The following PCBP3 variants were observed in gnomAD, a reference collection of about 807,000 sequenced individuals.
PCBP3 encodes the protein poly(rC)-binding protein 3.
A neutral mutation model predicts 52.7 loss-of-function variants in PCBP3; 25 were observed. The observed-to-expected ratio is 0.47, with a 90% CI of 0.35 to 0.66. The LOEUF is 0.66. Among genes scored for constraint, PCBP3 ranks in the 30% least tolerant of loss-of-function variants. PCBP3 has a pLI of 0.01. For synonymous variants in PCBP3, 162 were observed against 183.0 expected (o/e 0.89, Z 0.93); for missense variants, 391 against 490.3 (o/e 0.80, Z 1.91).
chr21:45,658,786 A>G (rs1603154858), intron 1 of PCBP3, among the ~76,000 whole-genome samples: 1 of 152,252 alleles, frequency 6.6e-6, no homozygotes, highest in East Asian at 1.9e-4. Context: ...TTAATAGTGA[A>G]GCCATCTGTT....
rs542209674 is a variant in PCBP3 at position 45,928,366 on chromosome 21, G to A, written c.718-1551G>A. 7.2e-5 allele frequency among the ~76,000 whole-genome samples: 11 copies of A among 152,270 alleles called. No individual in the cohort carries two copies. The highest frequency in any genetic ancestry group is 2.2e-4 in the African/African-American group (9 of 41,558). Reference sequence around the variant, plus strand: ...GCCCAGACCTGGCTGCAAGGCCAGGGGTTGGGGAGGGGCAGGGCTGGGGAG... The same window carrying A: ...GCCCAGACCTGGCTGCAAGGCCAGGAGTTGGGGAGGGGCAGGGCTGGGGAG... On this transcript the variant is annotated intron_variant, in intron 13 of 17. Transcript: ENST00000681687. The surrounding 1 kb of genome is among the most constrained non-coding windows in gnomAD (Gnocchi z 4.1).
chr21:45,795,306 CTTCT>C (rs2091864354), intron 4 of PCBP3, among the ~76,000 whole-genome samples: 1 of 138,140 alleles, frequency 7.2e-6, no homozygotes, highest in African/African-American at 2.8e-5. Context: ...CACTTGTCTT[CTTCT>C]TTTTCTTTTT....
intron 4 of PCBP3, among the ~76,000 whole-genome samples, chr21:45,810,444 A>T (rs1281430836): frequency 2.1e-5 from 3 of 145,808 alleles, no homozygotes; most frequent in Non-Finnish European, 4.6e-5. Context: ...TTTTTTTTTT[A>T]ATAGAGATGA....
At position 45,809,434 on chromosome 21, in the gene PCBP3, G is replaced by A. The variant is rs28506792; in HGVS notation, c.-125-40527G>A. ...AAGGTGATGTAGGGCTGAGGAGTAC[G>A]GGAGATAAAGAGGGGGTGTGCGAGC... On this transcript the variant is annotated intron_variant, in intron 4 of 17. Transcript: ENST00000681687. Among the ~76,000 whole-genome samples the A allele has an allele frequency of 3.3e-3, 504 of 152,278 alleles. 1 individual carries two copies. The highest frequency in any genetic ancestry group is 0.01 in the African/African-American group (432 of 41,548).
At chr21:45,822,335 G>A (rs988011293) in intron 4 of PCBP3, among the ~76,000 whole-genome samples, 6 of 152,196 alleles carry the variant, frequency 3.9e-5, no homozygotes, top group African/African-American at 1.4e-4. Context: ...CTTCTCCGGT[G>A]TTCTGCGTTC....
intron 4 of PCBP3, among the ~76,000 whole-genome samples, chr21:45,818,243 G>A (rs1049751984): frequency 1.3e-4 from 20 of 152,122 alleles, no homozygotes; most frequent in Admixed American, 2.0e-4. Flanking sequence ...GGATGGTCTC[G>A]ATCTCCTGAC....
chr21:45,719,289 A>G (rs1391507573), intron 2 of PCBP3, among the ~76,000 whole-genome samples: 1 of 152,156 alleles, frequency 6.6e-6, no homozygotes, highest in East Asian at 1.9e-4. Flanking sequence ...GAAGGACAGA[A>G]CAGCAAGTGT....
chr21:45,839,271 G>A (rs1372840638), intron 4 of PCBP3, among the ~76,000 whole-genome samples: 1 of 151,888 alleles, frequency 6.6e-6, no homozygotes, highest in Non-Finnish European at 1.5e-5. Flanking sequence ...ATTTTTGTTT[G>A]TTCTCCCACC....
rs60311432 is a variant in PCBP3 at position 45,691,456 on chromosome 21, A to ATG, written c.-200+22524_-200+22525dup. Reference sequence around the variant, plus strand: ...ATATATCATATATATGTATGTATGTATGTGTGTGTGTGTGTGTGTGTATAT... The same window carrying ATG: ...ATATATCATATATATGTATGTATGTATGTGTGTGTGTGTGTGTGTGTGTATAT... On this transcript the variant is annotated intron_variant, in intron 2 of 17. Coordinates refer to ENST00000681687, the MANE Select transcript of PCBP3 (RefSeq NM_001384156.1). Among the ~76,000 whole-genome samples, 752 of 142,356 alleles carry ATG rather than the reference A, an allele frequency of 5.3e-3. 1 individual carries two copies. Among genetic ancestry groups the ATG allele is most frequent in the East Asian group, 0.016 (78 of 4,932 alleles). The allele number at this position is 142,356 out of a possible 152,430, so 93.4% of individuals were successfully genotyped here. A position where few individuals can be genotyped will look rare whatever the true frequency, so the allele number is the denominator to read the frequency against.
chr21:45,686,737 C>A, intron 2 of PCBP3, among the ~76,000 whole-genome samples: 1 of 152,040 alleles, frequency 6.6e-6, no homozygotes, highest in East Asian at 1.9e-4. Context: ...GGAACTTTGA[C>A]AGTGAAATAA....
intron 1 of PCBP3, among the ~76,000 whole-genome samples, chr21:45,659,708 C>G (rs1193596087): frequency 1.3e-5 from 2 of 152,062 alleles, no homozygotes; most frequent in Non-Finnish European, 2.9e-5. Context: ...TCCCTTGACT[C>G]TGGTTATTTA....
chr21:45,940,138 C>T lies in PCBP3; in HGVS notation c.1018C>T (p.Gln340Ter). 8 of 1,614,164 alleles carry T rather than the reference C, an allele frequency of 5.0e-6. No homozygotes were observed. Among genetic ancestry groups the T allele is most frequent in the Non-Finnish European group, 6.8e-6 (8 of 1,179,984 alleles). ...ANATEGSSER[Q>*]ITITGTPANI... ...CGCCACGGAAGGGTCCTCAGAGCGT[C>T]AGATCACCATCACGGGGACCCCGGC... Residue 340 changes from glutamine (Q) to a stop codon, truncating the protein, a stop_gained, in exon 17 of 18, where the codon CAG becomes TAG. Transcript: ENST00000681687. LOFTEE classifies it high-confidence loss of function.
At chr21:45,866,444 G>C (rs551737074) in intron 5 of PCBP3, among the ~76,000 whole-genome samples, 8 of 152,336 alleles carry the variant, frequency 5.3e-5, no homozygotes, top group South Asian at 2.1e-4. Context: ...GAGGAGAAGG[G>C]GCTGTGGAGA....
intron 4 of PCBP3, among the ~76,000 whole-genome samples, chr21:45,775,502 C>G (rs554550331): frequency 6.6e-6 from 1 of 152,308 alleles, no homozygotes; most frequent in East Asian, 1.9e-4. Flanking sequence ...ACTGCAGCCT[C>G]AAACCCCTGG....
chr21:45,914,412 A>C, intron 12 of PCBP3: 1 of 425,166 alleles, frequency 2.4e-6, no homozygotes, highest in Non-Finnish European at 4.1e-6. Context: ...TTCCACTGAC[A>C]TCCGTGTTCC....
chr21:45,795,214 A>G (rs977416132), intron 4 of PCBP3, among the ~76,000 whole-genome samples: 1 of 152,166 alleles, frequency 6.6e-6, no homozygotes, highest in Non-Finnish European at 1.5e-5. Flanking sequence ...GACAAATCAA[A>G]GGGACCAGAA....
At chr21:45,810,429 ATT>A (rs199547949) in intron 4 of PCBP3, among the ~76,000 whole-genome samples, 2 of 145,764 alleles carry the variant, frequency 1.4e-5, no homozygotes, top group Non-Finnish European at 1.5e-5. Flanking sequence ...TGCCTGGCTA[ATT>A]TTTTTTTTTT....
intron 4 of PCBP3, among the ~76,000 whole-genome samples, chr21:45,806,225 G>A (rs564426349): frequency 7.9e-5 from 12 of 152,308 alleles, no homozygotes; most frequent in African/African-American, 2.4e-4. Context: ...CTGTACTCCC[G>A]TGCTGGATGG....
chr21:45,870,677 G>A (rs74367113), intron 5 of PCBP3, among the ~76,000 whole-genome samples: 2,475 of 152,308 alleles, frequency 0.016, 82 homozygotes, highest in African/African-American at 0.056. Flanking sequence ...GAGGACCAGA[G>A]GGTCCAAACC....
Sources: allele counts gnomAD v4.1 joint callset (sites outside exome capture counted in the v4.1 genomes callset), GRCh38; gene constraint gnomAD v4.1.1; non-coding constraint Gnocchi (gnomAD v3.1); transcripts MANE v1.5; gene names NCBI Gene and HGNC (gene_info 2026-07-23, HGNC 2026-07-21).